The following CYP2J2 variants were observed in gnomAD, a reference collection of about 807,000 sequenced individuals.
CYP2J2 encodes cytochrome P450 2J2.
In CYP2J2, 41 loss-of-function variants were observed where a neutral mutation model predicts 48.8. The observed-to-expected ratio is 0.84, with a 90% CI of 0.66 to 1.09. The LOEUF is 1.09. CYP2J2 is among the 50% of genes least tolerant of loss of function. CYP2J2 has a pLI of 0.00. For missense variants in CYP2J2, 644 were observed against 617.3 expected (o/e 1.04, Z -0.46); for synonymous variants, 221 against 227.1 (o/e 0.97, Z 0.24).
intron 7 of CYP2J2, 105 bp downstream of exon 7, chr1:59,904,766 C>A: frequency 1.0e-6 from 1 of 959,834 alleles, no homozygotes; most frequent in Non-Finnish European, 1.5e-6. Flanking sequence ...TATAAGATAT[C>A]TTTTTCTTCC....
upstream of CYP2J2, chr1:59,926,805 C>T (rs1644570083): frequency 6.8e-6 from 10 of 1,465,222 alleles, no homozygotes; most frequent in African/African-American, 4.2e-5. Flanking sequence ...CAGCAGGCGA[C>T]GGTCCCCGCC....
chr1:59,936,311 C>G, the CYP2J2 span, among the ~76,000 whole-genome samples: 1 of 152,204 alleles, frequency 6.6e-6, no homozygotes, highest in Non-Finnish European at 1.5e-5. Context: ...CTGTGCTTGA[C>G]AGCAGAATTT....
intron 1 of CYP2J2, among the ~76,000 whole-genome samples, chr1:59,924,456 T>C (rs188977561): frequency 6.6e-6 from 1 of 152,274 alleles, no homozygotes; most frequent in African/African-American, 2.4e-5. Flanking sequence ...AGCAAAATTA[T>C]AATATTATCT....
chr1:59,933,705 C>T, the CYP2J2 span, among the ~76,000 whole-genome samples: 62 of 152,126 alleles, frequency 4.1e-4, no homozygotes, highest in African/African-American at 1.5e-3. Context: ...GCATTGAAAA[C>T]TGCAAGACAT....
chr1:59,907,795 C>G lies in CYP2J2; in HGVS notation c.994G>C (p.Glu332Gln), dbSNP rs768837674. ...TCACTGACATGCTCACCTTGGATTT[C>G]TGGGTAGAGGGCCATATAAAGCAGA... ...WALLYMALYPEIQEKVQAEID... is the reference protein window; with the variant it reads ...WALLYMALYPQIQEKVQAEID... Residue 332 changes from glutamate to glutamine, a missense_variant, in exon 6 of 9, where the codon GAA becomes CAA. Physicochemically the swap from Glu to Gln is conservative, Grantham distance 29. Coordinates refer to ENST00000371204, the MANE Select transcript of CYP2J2 (RefSeq NM_000775.4). 1 of 1,613,894 alleles carries G rather than the reference C, an allele frequency of 6.2e-7. No homozygotes were observed. The highest frequency in any genetic ancestry group is 8.5e-7 in the Non-Finnish European group (1 of 1,179,898).
the CYP2J2 span, among the ~76,000 whole-genome samples, chr1:59,940,612 C>T: frequency 4.6e-5 from 7 of 152,182 alleles, no homozygotes; most frequent in African/African-American, 1.7e-4. Flanking sequence ...CTACTGAGTG[C>T]ATACTCACAG....
chr1:59,907,157 A>G (rs1273048623), intron 6 of CYP2J2, among the ~76,000 whole-genome samples: 1 of 152,206 alleles, frequency 6.6e-6, no homozygotes, highest in East Asian at 1.9e-4. Flanking sequence ...TGGAGGGAGA[A>G]AATGCTAATA....
upstream of CYP2J2, chr1:59,926,779 AAGCAGGCGGCGGTCCC>A (rs772741856): frequency 2.5e-6 from 4 of 1,572,890 alleles, no homozygotes; most frequent in South Asian, 2.3e-5. Context: ...TCTGCGGTCC[AAGCAGGCGGCGGTCCC>A]AGCAGGCGAC....
the CYP2J2 span, among the ~76,000 whole-genome samples, chr1:59,947,898 G>C: frequency 4.1e-4 from 62 of 151,912 alleles, no homozygotes; most frequent in Non-Finnish European, 8.3e-4. Flanking sequence ...CATAATATTT[G>C]AAAACTTAGC....
chr1:59,941,048 C>G, the CYP2J2 span, among the ~76,000 whole-genome samples: 97 of 152,272 alleles, frequency 6.4e-4, no homozygotes, highest in African/African-American at 2.1e-3. Flanking sequence ...ATATACAGTT[C>G]AGTAGAAGGA....
chr1:59,914,221 G>A (rs1054649117), intron 2 of CYP2J2, among the ~76,000 whole-genome samples: 4 of 152,136 alleles, frequency 2.6e-5, no homozygotes, highest in African/African-American at 9.7e-5. Context: ...ATAGGATATG[G>A]ATTTTATCTA....
chr1:59,893,506 G>T lies in CYP2J2; in HGVS notation c.*145C>A, dbSNP rs1644241357. On this transcript the variant is annotated 3_prime_UTR_variant, in exon 9 of 9. Transcript: ENST00000371204. ...GACGAGACAGTAGAGCTGGGATTTG[G>T]ATCTAGTTTTCTCTGAGTCAAATTC... The T allele has an allele frequency of 1.8e-6, 1 of 566,940 alleles. No individual in the cohort carries two copies. The highest frequency in any genetic ancestry group is 4.1e-5 in the South Asian group (1 of 24,440). The allele number at this position is 566,940 out of a possible 1,614,324, so 35.1% of individuals were successfully genotyped here. A position where few individuals can be genotyped will look rare whatever the true frequency, so the allele number is the denominator to read the frequency against.
At chr1:59,894,708 ATAATT>A (rs1644254132) in intron 8 of CYP2J2, among the ~76,000 whole-genome samples, 1 of 152,234 alleles carries the variant, frequency 6.6e-6, no homozygotes, top group South Asian at 2.1e-4. Flanking sequence ...AATAAGCTAA[ATAATT>A]TAATAATTTA....
chr1:59,899,036 G>A (rs1444299763), intron 8 of CYP2J2, among the ~76,000 whole-genome samples: 3 of 152,170 alleles, frequency 2.0e-5, no homozygotes, highest in African/African-American at 7.2e-5. Flanking sequence ...GCATCACTTA[G>A]CCCAGAGGAT....
chr1:59,938,377 A>C, the CYP2J2 span, among the ~76,000 whole-genome samples: 16,713 of 152,258 alleles, frequency 0.11, 1,177 homozygotes, highest in Admixed American at 0.17. Context: ...ATGTGGTAGG[A>C]GAGCAGGGTG....
At chr1:59,926,865 A>C, upstream of CYP2J2, 2 of 908,468 alleles carry the variant, frequency 2.2e-6, no homozygotes, top group Non-Finnish European at 3.3e-6. Flanking sequence ...CCTTCGCAGC[A>C]CCCTGCGAAG....
At chr1:59,937,281 A>G in the CYP2J2 span, among the ~76,000 whole-genome samples, 1 of 152,208 alleles carries the variant, frequency 6.6e-6, no homozygotes, top group South Asian at 2.1e-4. Flanking sequence ...CCATGATCTG[A>G]AAATTGTCTT....
chr1:59,965,333 G>A, the CYP2J2 span, among the ~76,000 whole-genome samples: 154 of 152,278 alleles, frequency 1.0e-3, no homozygotes, highest in Non-Finnish European at 1.6e-3. Context: ...TAAAGCCCTG[G>A]GTTAGATGAA....
At chr1:59,936,534 C>T in the CYP2J2 span, among the ~76,000 whole-genome samples, 2 of 152,176 alleles carry the variant, frequency 1.3e-5, no homozygotes, top group Admixed American at 6.5e-5. Flanking sequence ...CCCTTAAACA[C>T]ATGCACCTTG....
Sources: gnomAD v4.1 joint callset for allele counts (sites outside exome capture counted in the v4.1 genomes callset) on GRCh38, gnomAD v4.1.1 for gene constraint, MANE v1.5 for transcripts, NCBI Gene and HGNC (gene_info 2026-07-23, HGNC 2026-07-21) for gene names.